The following SGCZ variants were observed in gnomAD, a reference collection of about 807,000 sequenced individuals.
SGCZ encodes sarcoglycan zeta, also known as zeta-sarcoglycan.
A neutral mutation model predicts 41.3 loss-of-function variants in SGCZ; 40 were observed. The observed-to-expected ratio is 0.97, with a 90% confidence interval of 0.75 to 1.26. The LOEUF (loss-of-function observed/expected upper bound fraction) is 1.26. SGCZ is among the 50% of genes most tolerant of loss of function. The pLI, the probability that SGCZ is intolerant of heterozygous loss-of-function variation, is 0.00. For missense variants in SGCZ, 552 were observed against 369.8 expected (o/e 1.49, Z -4.04); for synonymous variants, 206 against 137.5 (o/e 1.50, Z -3.49).
intron 1 of SGCZ, among the ~76,000 whole-genome samples, chr8:15,127,186 C>A (rs1807727741): frequency 6.6e-6 from 1 of 151,766 alleles, no homozygotes; most frequent in Admixed American, 6.6e-5. Context: ...CAACTATTAT[C>A]CCCTAAGACA....
intron 1 of SGCZ, among the ~76,000 whole-genome samples, chr8:15,094,082 AAGAC>A (rs1021751670): frequency 2.6e-5 from 4 of 152,176 alleles, no homozygotes; most frequent in African/African-American, 9.7e-5. Context: ...GAAAGAAAAT[AAGAC>A]AGAGGGATGG....
At chr8:15,144,994 G>T (rs567696731) in intron 1 of SGCZ, among the ~76,000 whole-genome samples, 1 of 152,278 alleles carries the variant, frequency 6.6e-6, no homozygotes, top group African/African-American at 2.4e-5. Flanking sequence ...ATAAACTCCT[G>T]TGATTTTAGC....
intron 2 of SGCZ, among the ~76,000 whole-genome samples, chr8:14,449,698 G>C (rs1238594614): frequency 2.0e-5 from 3 of 152,072 alleles, no homozygotes; most frequent in Non-Finnish European, 2.9e-5. Flanking sequence ...TACTCTTCAT[G>C]CATTAAAGTA....
chr8:14,341,241 G>C (rs1802693745), intron 2 of SGCZ, among the ~76,000 whole-genome samples: 1 of 152,172 alleles, frequency 6.6e-6, no homozygotes, highest in Non-Finnish European at 1.5e-5. Context: ...TGAACAGGGT[G>C]TACAAATATC....
intron 4 of SGCZ, among the ~76,000 whole-genome samples, chr8:14,235,171 C>T (rs1349766049): frequency 4.6e-5 from 7 of 152,128 alleles, no homozygotes; most frequent in Non-Finnish European, 1.0e-4. Context: ...TGGCACCCAA[C>T]CAACTACTAA....
At chr8:15,157,375 C>T (rs17434807) in intron 1 of SGCZ, among the ~76,000 whole-genome samples, 8,023 of 151,358 alleles carry the variant, frequency 0.053, 541 homozygotes, top group African/African-American at 0.16. Flanking sequence ...CTGCAGATTA[C>T]GCCACTGTAC....
At chr8:14,102,859 A>ATAACT (rs1208806219) in intron 6 of SGCZ, among the ~76,000 whole-genome samples, 3 of 152,184 alleles carry the variant, frequency 2.0e-5, no homozygotes, top group African/African-American at 7.2e-5. Flanking sequence ...TTACCAGTAT[A>ATAACT]TAACTTACTA....
chr8:14,556,884 G>C (rs893008211), intron 1 of SGCZ, among the ~76,000 whole-genome samples: 1 of 151,974 alleles, frequency 6.6e-6, no homozygotes, highest in Middle Eastern at 3.2e-3. Context: ...GAATTGTGCT[G>C]CTATAAACAT....
rs556016439 is a variant in SGCZ at position 14,660,517 on chromosome 8, G to C, written c.40-105591C>G. 9.8e-5 allele frequency among the ~76,000 whole-genome samples: 13 copies of C among 132,046 alleles called. No individual in the cohort carries two copies. The South Asian group carries it at 3.1e-3, about 31-fold the overall frequency. The allele number at this position is 132,046 out of a possible 152,430, so 86.6% of individuals were successfully genotyped here. Reference sequence around the variant, plus strand: ...AAACCAGAGGCGGAGGTTTCAGTGAGCCAACATTCAGCCACTGCACTCCAG... The same window carrying C: ...AAACCAGAGGCGGAGGTTTCAGTGACCCAACATTCAGCCACTGCACTCCAG... On this transcript the variant is annotated intron_variant, in intron 1 of 7. Coordinates refer to ENST00000382080, the MANE Select transcript of SGCZ (RefSeq NM_139167.4).
At chr8:15,179,537 G>A (rs188507492) in intron 1 of SGCZ, among the ~76,000 whole-genome samples, 28 of 152,186 alleles carry the variant, frequency 1.8e-4, no homozygotes, top group Middle Eastern at 3.4e-3. Flanking sequence ...AGTAATTTTC[G>A]TTGTTTCAGT....
chr8:14,912,624 G>A (rs1799309845), intron 1 of SGCZ, among the ~76,000 whole-genome samples: 12 of 151,990 alleles, frequency 7.9e-5, no homozygotes, highest in Admixed American at 7.9e-4. Context: ...CACCATGAGT[G>A]TCAGGAATAG....
intron 1 of SGCZ, among the ~76,000 whole-genome samples, chr8:14,993,777 G>C (rs1038280068): frequency 2.0e-5 from 3 of 152,186 alleles, no homozygotes; most frequent in African/African-American, 4.8e-5. Flanking sequence ...ATAGGGACAA[G>C]GTCAATGTTA....
intron 5 of SGCZ, among the ~76,000 whole-genome samples, chr8:14,136,418 G>A (rs1803200212): frequency 6.6e-6 from 1 of 152,114 alleles, no homozygotes; most frequent in South Asian, 2.1e-4. Flanking sequence ...GTGACAGATG[G>A]TACCTTGAAA....
chr8:14,720,544 G>A (rs184181396), intron 1 of SGCZ, among the ~76,000 whole-genome samples: 1 of 152,150 alleles, frequency 6.6e-6, no homozygotes, highest in African/African-American at 2.4e-5. Context: ...GGTTCACTCT[G>A]TATCAGTGGT....
At chr8:15,155,318 T>C (rs776951716) in intron 1 of SGCZ, among the ~76,000 whole-genome samples, 6 of 151,598 alleles carry the variant, frequency 4.0e-5, no homozygotes, top group Non-Finnish European at 7.3e-5. Flanking sequence ...AAATAAGTGT[T>C]TCAGGTAATT....
At chr8:14,618,889 A>C (rs1289112996) in intron 1 of SGCZ, among the ~76,000 whole-genome samples, 2 of 152,164 alleles carry the variant, frequency 1.3e-5, no homozygotes, top group Admixed American at 1.3e-4. Flanking sequence ...TAAGCAAATT[A>C]ACAAGAAAGT....
chr8:14,447,741 G>A (rs972548135), intron 2 of SGCZ, among the ~76,000 whole-genome samples: 11 of 152,100 alleles, frequency 7.2e-5, no homozygotes, highest in Non-Finnish European at 1.5e-4. Flanking sequence ...AGTAGCCAGT[G>A]GAATGAAAGA....
intron 3 of SGCZ, among the ~76,000 whole-genome samples, chr8:14,289,081 T>G (rs9643914): frequency 0.75 from 114,395 of 152,008 alleles, 43,506 homozygotes; most frequent in Non-Finnish European, 0.8. Context: ...CTTCTTTGGA[T>G]AAACGTGTAT....
chr8:15,210,540 T>C (rs936698889), intron 1 of SGCZ, among the ~76,000 whole-genome samples: 8 of 152,142 alleles, frequency 5.3e-5, no homozygotes, highest in African/African-American at 1.4e-4. Context: ...CTCTTGGCTG[T>C]CTTCAGATCA....
Sources: allele counts gnomAD v4.1 joint callset (sites outside exome capture counted in the v4.1 genomes callset), GRCh38; gene constraint gnomAD v4.1.1; transcripts MANE v1.5; gene names NCBI Gene and HGNC (gene_info 2026-07-23, HGNC 2026-07-21).